KIAA0753: variants seen among roughly 807,000 people sequenced by gnomAD.
The protein encoded by KIAA0753 is protein moonraker.
In KIAA0753, 114 loss-of-function variants were observed where a neutral mutation model predicts 116.9. The ratio of observed to expected loss-of-function variants is 0.98; its 90% CI spans 0.84 to 1.14. The LOEUF (loss-of-function observed/expected upper bound fraction) is 1.14, where lower values mean the gene tolerates loss of function less well. Ranked by LOEUF, KIAA0753 falls within the 50% of genes most tolerant of loss-of-function variation. KIAA0753 has a pLI of 0.00. For synonymous variants in KIAA0753, 405 were observed against 413.1 expected, an observed-to-expected ratio of 0.98 and a Z score of 0.24; for missense variants, 1,156 against 1,172.4, an observed-to-expected ratio of 0.99 and a Z score of 0.20.
intron 7 of KIAA0753, among the ~76,000 whole-genome samples, chr17:6,619,327 C>G (rs1039874578): frequency 9.2e-5 from 14 of 151,988 alleles, no homozygotes; most frequent in Admixed American, 3.3e-4. Flanking sequence ...CGGTAATATT[C>G]TATTCCTTGA....
At chr17:6,591,040 G>GGAAGAAGGAAGAAGAA (rs1567540520) in intron 16 of KIAA0753, among the ~76,000 whole-genome samples, 6 of 100,054 alleles carry the variant, frequency 6.0e-5, no homozygotes, top group Non-Finnish European at 8.3e-5. Context: ...GAAGGAAGAA[G>GGAAGAAGGAAGAAGAA]GAAGAAGAAG....
At chr17:6,623,207 C>G in intron 5 of KIAA0753, 110 bp from the exon 6 acceptor site, 1 of 1,129,242 alleles carries the variant, frequency 8.9e-7, no homozygotes, top group Non-Finnish European at 1.2e-6. Context: ...AAAGTGCTTT[C>G]TATTGTGAAA....
chr17:6,578,497 A>G lies in KIAA0753; in HGVS notation c.*1250T>C, dbSNP rs1370159164. The G allele has an allele frequency of 6.6e-6, 1 of 152,230 alleles. No homozygotes were observed. The highest frequency in any genetic ancestry group is 1.5e-5 in the Non-Finnish European group (1 of 68,044). The allele number at this position is 152,230 out of a possible 1,614,324, so 9.4% of individuals were successfully genotyped here. On this transcript the variant is annotated 3_prime_UTR_variant, in exon 19 of 19. Transcript: ENST00000361413. ...AGCTCTTTACATTCTGAAGTTATAT[A>G]AAATTAAGCAGGAAAACATTAACAT...
intron 3 of KIAA0753, among the ~76,000 whole-genome samples, chr17:6,625,572 CA>C (rs1047315301): frequency 6.6e-6 from 1 of 151,436 alleles, no homozygotes; most frequent in African/African-American, 2.4e-5. Context: ...GAGGCTGAGG[CA>C]GGAGAACTGC....
chr17:6,629,271 C>T (rs910823393), intron 2 of KIAA0753, among the ~76,000 whole-genome samples: 13 of 152,310 alleles, frequency 8.5e-5, no homozygotes, highest in African/African-American at 2.9e-4. Flanking sequence ...TACACAGGCT[C>T]AAGTTTTTGT....
Position 6,582,399 on chromosome 17 carries a change from G to A in KIAA0753, c.2787-2535C>T, listed in dbSNP as rs189741961. Among the ~76,000 whole-genome samples, 471 of 152,192 alleles carry A rather than the reference G, an allele frequency of 3.1e-3. 5 individuals carry two copies. The highest frequency in any genetic ancestry group is 0.011 in the African/African-American group (453 of 41,524). ...TGTTTGTATTCGACTTAAGGCCCCCGCCCCATCCCTGTTGACTAAGGGGAT... is the reference window on the plus strand; with the variant it reads ...TGTTTGTATTCGACTTAAGGCCCCCACCCCATCCCTGTTGACTAAGGGGAT... On this transcript the variant is annotated intron_variant, in intron 18 of 18. Coordinates refer to ENST00000361413, the MANE Select transcript of KIAA0753 (RefSeq NM_014804.3).
At chr17:6,625,074 TA>T (rs1309205601) in intron 3 of KIAA0753, among the ~76,000 whole-genome samples, 4 of 152,302 alleles carry the variant, frequency 2.6e-5, no homozygotes, top group Admixed American at 2.6e-4. Context: ...GGAAGGGACA[TA>T]AAGACATTTA....
intron 7 of KIAA0753, among the ~76,000 whole-genome samples, chr17:6,618,172 T>C (rs1345597174): frequency 6.6e-6 from 1 of 152,102 alleles, no homozygotes; most frequent in Admixed American, 6.6e-5. Flanking sequence ...ATGGTGAACA[T>C]GTGGGGGTTC....
At chr17:6,587,106 C>T (rs531481458) in intron 18 of KIAA0753, among the ~76,000 whole-genome samples, 4 of 152,074 alleles carry the variant, frequency 2.6e-5, no homozygotes, top group Admixed American at 6.6e-5. Context: ...GTAGCCAGTA[C>T]CTGTAATCCT....
chr17:6,580,858 C>T (rs1029339531), intron 18 of KIAA0753, among the ~76,000 whole-genome samples: 4 of 150,486 alleles, frequency 2.7e-5, no homozygotes, highest in Non-Finnish European at 4.4e-5. Context: ...CTGTAGGAGA[C>T]GGGGGAGGAC....
intron 15 of KIAA0753, 28 bp downstream of exon 15, chr17:6,596,130 G>A (rs759237736): frequency 3.5e-5 from 56 of 1,604,088 alleles, no homozygotes; most frequent in Non-Finnish European, 4.5e-5. Context: ...CCCTAGCAGC[G>A]AACCAGACCC....
At chr17:6,581,486 T>G (rs933304412) in intron 18 of KIAA0753, among the ~76,000 whole-genome samples, 2 of 152,222 alleles carry the variant, frequency 1.3e-5, no homozygotes, top group Non-Finnish European at 2.9e-5. Flanking sequence ...AAGTTACTGT[T>G]TTCCCCTTTG....
intron 3 of KIAA0753, 48 bp downstream of exon 3, chr17:6,628,069 C>G: frequency 6.5e-7 from 1 of 1,543,560 alleles, no homozygotes; most frequent in East Asian, 2.2e-5. Context: ...TTTAAACTAC[C>G]CCATAATCAC....
chr17:6,600,985 G>A (rs1234986714), intron 12 of KIAA0753: 1 of 155,212 alleles, frequency 6.4e-6, no homozygotes, highest in Non-Finnish European at 1.4e-5. Context: ...TACTAACCAG[G>A]CCCAACCCTG....
At chr17:6,611,464 C>A (rs763612376) in intron 8 of KIAA0753, among the ~76,000 whole-genome samples, 2 of 151,956 alleles carry the variant, frequency 1.3e-5, no homozygotes, top group Non-Finnish European at 2.9e-5. Flanking sequence ...CCACATCTGG[C>A]TAATTTTGTT....
At chr17:6,624,606 T>A (rs895351623) in intron 4 of KIAA0753, 149 bp downstream of exon 4, 1 of 576,770 alleles carries the variant, frequency 1.7e-6, no homozygotes, top group Non-Finnish European at 3.1e-6. Flanking sequence ...TATTTGCCCA[T>A]GTGTTCAGGT....
chr17:6,595,991 GA>G (rs1969445559), intron 15 of KIAA0753, among the ~76,000 whole-genome samples, 166 bp downstream of exon 15: 1 of 152,194 alleles, frequency 6.6e-6, no homozygotes, highest in Non-Finnish European at 1.5e-5. Flanking sequence ...CTACTTATCA[GA>G]GGGGTTGACG....
At chr17:6,593,386 G>A (rs1369897536) in intron 16 of KIAA0753, among the ~76,000 whole-genome samples, 1 of 152,226 alleles carries the variant, frequency 6.6e-6, no homozygotes, top group Non-Finnish European at 1.5e-5. Flanking sequence ...CACTTCGGGA[G>A]GCCGGGAGCA....
At chr17:6,605,759 A>G (rs181200473) in intron 12 of KIAA0753, among the ~76,000 whole-genome samples, 2 of 152,344 alleles carry the variant, frequency 1.3e-5, no homozygotes, top group Admixed American at 1.3e-4. Flanking sequence ...AAACTTCTGC[A>G]GCAGTGGCAA....
Sources: gnomAD v4.1 joint callset for allele counts (sites outside exome capture counted in the v4.1 genomes callset) on GRCh38, gnomAD v4.1.1 for gene constraint, MANE v1.5 for transcripts, NCBI Gene and HGNC (gene_info 2026-07-23, HGNC 2026-07-21) for gene names.